Variants in SLC22A11 observed in about 807,000 individuals in gnomAD.
SLC22A11 encodes the protein solute carrier family 22 member 11.
SLC22A11 carries 42 observed loss-of-function variants against 49.4 expected under a neutral mutation model. The observed-to-expected ratio is 0.85, with a 90% CI of 0.66 to 1.10. SLC22A11 has a LOEUF of 1.10. Among genes scored for constraint, SLC22A11 ranks in the 50% least tolerant of loss-of-function variants. The pLI, the probability that SLC22A11 is intolerant of heterozygous loss-of-function variation, is 0.00. For missense variants in SLC22A11, 685 were observed against 731.6 expected (o/e 0.94, Z 0.74); for synonymous variants, 304 against 315.8 (o/e 0.96, Z 0.40).
At chr11:64,559,096 A>G (rs779097142) in intron 1 of SLC22A11, 39 bp from the exon 2 acceptor site, 5 of 1,569,354 alleles carry the variant, frequency 3.2e-6, no homozygotes, top group Non-Finnish European at 3.5e-6. Flanking sequence ...CTGTGATTTC[A>G]TACCCCCCGA....
At chr11:64,568,218 G>T (rs1016979003) in intron 7 of SLC22A11, among the ~76,000 whole-genome samples, 1 of 152,216 alleles carries the variant, frequency 6.6e-6, no homozygotes, top group Non-Finnish European at 1.5e-5. Context: ...GGAGCAACGC[G>T]TTGGGGAGGC....
intron 4 of SLC22A11, among the ~76,000 whole-genome samples, chr11:64,563,610 TAAAAA>T (rs869085115): frequency 7.1e-4 from 31 of 43,854 alleles, no homozygotes; most frequent in East Asian, 1.4e-3. Flanking sequence ...TTAAATGTGC[TAAAAA>T]AAAAAAAAAA....
chr11:64,558,756 C>T (rs2038498841), intron 1 of SLC22A11, among the ~76,000 whole-genome samples: 1 of 152,202 alleles, frequency 6.6e-6, no homozygotes, highest in Non-Finnish European at 1.5e-5. Context: ...CCTCACAGCC[C>T]ACCACTGCCA....
intron 1 of SLC22A11, among the ~76,000 whole-genome samples, chr11:64,557,600 A>G (rs1287930301): frequency 2.0e-5 from 3 of 150,036 alleles, no homozygotes; most frequent in Admixed American, 6.6e-5. Flanking sequence ...GTGCGGGGAC[A>G]TGCTCTGGAG....
At chr11:64,567,864 C>T in intron 7 of SLC22A11, 51 bp downstream of exon 7, 2 of 1,524,636 alleles carry the variant, frequency 1.3e-6, no homozygotes, top group African/African-American at 1.4e-5. Context: ...CCCCGCCCAC[C>T]CCACTGCTCT....
In SLC22A11 at chr11:64,559,187, T is replaced by G; in HGVS notation, c.446T>G (p.Phe149Cys). The G allele has an allele frequency of 6.2e-7, 1 of 1,612,906 alleles. No individual in the cohort carries two copies. The highest frequency in any genetic ancestry group is 1.1e-5 in the South Asian group (1 of 91,022). Residue 149 changes from phenylalanine to cysteine, a missense_variant, in exon 2 of 10, where the codon TTC becomes TGC. Phe to Cys is a radical substitution (Grantham distance 205). Transcript: ENST00000301891. ...TTGAAGCCCCTAAGCCAGTCCATCT[T>G]CATGTCCGGGATCCTGGTGGGCTCC... Reference protein sequence around the residue: ...QGLKPLSQSIFMSGILVGSFI... With the variant: ...QGLKPLSQSICMSGILVGSFI...
In SLC22A11 at chr11:64,556,039, G is replaced by T; in HGVS notation, c.40G>T (p.Gly14Cys). 6.2e-7 allele frequency: 1 copy of T among 1,613,120 alleles called. No homozygotes were observed. The change falls in exon 1 of 10, where the codon GGC (glycine) becomes TGC (cysteine). Residue 14 changes from glycine (G) to cysteine (C), a missense_variant. Coordinates refer to ENST00000301891, the MANE Select transcript of SLC22A11 (RefSeq NM_018484.4). Reference sequence around the variant, plus strand: ...GCTCTTGGAGCAAGCCGGAGGCGTGGGCCTCTTCCAGACCCTGCAGGTGCT... The same window carrying T: ...GCTCTTGGAGCAAGCCGGAGGCGTGTGCCTCTTCCAGACCCTGCAGGTGCT... The part of the protein sequence containing the change: ...SKLLEQAGGV[G>C]LFQTLQVLTF...
In SLC22A11 at chr11:64,559,232, C is replaced by T; in HGVS notation, c.491C>T (p.Ser164Phe). ...LVGSFIWGLL[S>F]YRFGRKPMLS... ...GGCTCCTTTATCTGGGGCCTCCTCT[C>T]CTACCGGTGAGTGCCTCCGCTCCTC... Residue 164 changes from serine to phenylalanine, a missense_variant, in exon 2 of 10, where the codon TCC becomes TTC. Coordinates refer to ENST00000301891, the MANE Select transcript of SLC22A11 (RefSeq NM_018484.4). 1.9e-6 allele frequency: 3 copies of T among 1,601,448 alleles called. No homozygotes were observed. Among genetic ancestry groups the T allele is most frequent in the Middle Eastern group, 1.7e-4 (1 of 6,010 alleles).
rs2038604672 is a variant in SLC22A11 at position 64,565,107 on chromosome 11, C to T, written c.943-115C>T. 1.8e-5 allele frequency: 14 copies of T among 789,584 alleles called. No individual in the cohort carries two copies. Among genetic ancestry groups the T allele is most frequent in the Non-Finnish European group, 2.6e-5 (13 of 500,834 alleles). 48.9% of individuals were successfully genotyped at this position (789,584 alleles called of 1,614,324 possible). ...CCCTAGGGATCCAGCTTCCAGAGGCCGAGGCCCAGGACAGGCTCCCCGTCA... is the reference window on the plus strand; with the variant it reads ...CCCTAGGGATCCAGCTTCCAGAGGCTGAGGCCCAGGACAGGCTCCCCGTCA... On this transcript the variant is annotated intron_variant, in intron 5 of 9. Transcript: ENST00000301891. This position sits in a 1 kb window ranked among gnomAD's most constrained non-coding sequence, Gnocchi z 4.1.
chr11:64,559,041 C>T, intron 1 of SLC22A11, 94 bp from the exon 2 acceptor site: 2 of 1,068,026 alleles, frequency 1.9e-6, no homozygotes, highest in South Asian at 1.3e-5. Context: ...ACTGGGAGTC[C>T]AGGGACCCCA....
At chr11:64,567,556 C>G (rs779795944) in intron 6 of SLC22A11, 43 bp from the exon 7 acceptor site, 1 of 1,587,366 alleles carries the variant, frequency 6.3e-7, no homozygotes, top group Non-Finnish European at 8.6e-7. Flanking sequence ...GGGGTGCCCT[C>G]TCCCCGGCAG....
Position 64,562,881 on chromosome 11 carries a change from G to C in SLC22A11, c.821+446G>C, listed in dbSNP as rs1478718475. The stretch of plus-strand genomic sequence containing the variant: ...CCCCACTGCCGCTGTCCCCTGGGCT[G>C]AGGCTGTGAGCATCGTCCTTCCTCA... On this transcript the variant is annotated intron_variant, in intron 4 of 9. Coordinates refer to ENST00000301891, the MANE Select transcript of SLC22A11 (RefSeq NM_018484.4). This position sits in a 1 kb window ranked among gnomAD's most constrained non-coding sequence, Gnocchi z 4.4. Among the ~76,000 whole-genome samples, 1 of 152,200 alleles carries C rather than the reference G, an allele frequency of 6.6e-6. No homozygotes were observed. The highest frequency in any genetic ancestry group is 2.4e-5 in the African/African-American group (1 of 41,436).
chr11:64,564,292 A>C lies in SLC22A11; in HGVS notation c.822-16A>C. The C allele has an allele frequency of 6.2e-7, 1 of 1,613,720 alleles. No individual in the cohort carries two copies. Among genetic ancestry groups the C allele is most frequent in the Non-Finnish European group, 8.5e-7 (1 of 1,179,880 alleles). On this transcript the variant is annotated splice_polypyrimidine_tract_variant and intron_variant, in intron 4 of 9. Coordinates refer to ENST00000301891, the MANE Select transcript of SLC22A11 (RefSeq NM_018484.4). This position sits in a 1 kb window ranked among gnomAD's most constrained non-coding sequence, Gnocchi z 4.2. ...GCCCAGCGTGCACTCCCAGCTACAC[A>C]CCTGCCTCCTTACAGGTGGCTGCCA...
chr11:64,559,291 A>T, intron 2 of SLC22A11, 53 bp downstream of exon 2: 1 of 1,338,594 alleles, frequency 7.5e-7, no homozygotes, highest in Non-Finnish European at 1.0e-6. Context: ...ATTGTTGAAG[A>T]CTATGGGGCA....
At chr11:64,561,209 C>G (rs1679086698) in intron 2 of SLC22A11, among the ~76,000 whole-genome samples, 1 of 152,354 alleles carries the variant, frequency 6.6e-6, no homozygotes, top group South Asian at 2.1e-4. Context: ...CCCATGAGCA[C>G]CCCCTTCACA....
At position 64,564,261 on chromosome 11, in the gene SLC22A11, G is replaced by A; in HGVS notation, c.822-47G>A. 1.2e-6 allele frequency: 2 copies of A among 1,610,236 alleles called. No individual in the cohort carries two copies. The highest frequency in any genetic ancestry group is 1.1e-5 in the South Asian group (1 of 90,744). The stretch of plus-strand genomic sequence containing the variant: ...ACTGCCCCTTTCCACCCCGCCCCGG[G>A]GGAGAGCCCAGCGTGCACTCCCAGC... On this transcript the variant is annotated intron_variant, in intron 4 of 9. Coordinates refer to ENST00000301891, the MANE Select transcript of SLC22A11 (RefSeq NM_018484.4). The surrounding 1 kb of genome is among the most constrained non-coding windows in gnomAD (Gnocchi z 4.2).
chr11:64,557,922 C>T (rs373236977), intron 1 of SLC22A11, among the ~76,000 whole-genome samples: 1 of 151,850 alleles, frequency 6.6e-6, no homozygotes. Context: ...CTCAGCCTCC[C>T]GAGTAGCTGG....
rs1224287879 is a variant in SLC22A11, at chr11:64,559,118, G to A, written c.394-17G>A. 2 of 1,611,072 alleles carry A rather than the reference G, an allele frequency of 1.2e-6. No homozygotes were observed. The highest frequency in any genetic ancestry group is 1.7e-6 in the Non-Finnish European group (2 of 1,177,676). ...TTCATACCCCCCGAGCTGAGCCACT[G>A]CACCCTCCTCTTGCAGTGGGACCTG... On this transcript the variant is annotated splice_polypyrimidine_tract_variant and intron_variant, in intron 1 of 9. Transcript: ENST00000301891.
intron 1 of SLC22A11, 66 bp downstream of exon 1, chr11:64,556,458 G>A (rs1412247536): frequency 2.5e-6 from 4 of 1,571,756 alleles, no homozygotes; most frequent in Admixed American, 1.8e-5. Context: ...GATCAGGTTG[G>A]TTGGACTCCA....
Sources: gnomAD v4.1 joint callset for allele counts (sites outside exome capture counted in the v4.1 genomes callset) on GRCh38, gnomAD v4.1.1 for gene constraint, Gnocchi (gnomAD v3.1) non-coding constraint, MANE v1.5 for transcripts, NCBI Gene and HGNC (gene_info 2026-07-23, HGNC 2026-07-21) for gene names.